The following CCNB3 variants were observed in gnomAD, a reference collection of about 807,000 sequenced individuals.
CCNB3 encodes G2/mitotic-specific cyclin-B3.
Under a neutral mutation model 68.0 loss-of-function variants are expected in CCNB3, and 12 were observed. That is an observed-to-expected ratio of 0.18 (90% CI 0.11 to 0.29). CCNB3 has a LOEUF of 0.29. Among genes scored for constraint, CCNB3 ranks in the 10% least tolerant of loss-of-function variants. The pLI is 1.00. For missense variants in CCNB3, 904 were observed against 993.1 expected, an observed-to-expected ratio of 0.91 and a Z score of 1.21; for synonymous variants, 354 against 388.9, an observed-to-expected ratio of 0.91 and a Z score of 1.06.
intron 12 of CCNB3, 34 bp from the exon 13 acceptor site, chrX:50,351,573 T>G: frequency 8.6e-7 from 1 of 1,158,009 alleles, no homozygotes. Flanking sequence ...ATTTGCCCTA[T>G]TCTATGCTGA....
intron 8 of CCNB3, among the ~76,000 whole-genome samples, chrX:50,321,080 G>A (rs1300400045): frequency 3.6e-5 from 4 of 110,783 alleles, no homozygotes; most frequent in Middle Eastern, 4.7e-3. Flanking sequence ...TTGTTTCTCC[G>A]GACCAAATGA....
chrX:50,280,335 A>T (rs1936114812), intron 1 of CCNB3, among the ~76,000 whole-genome samples: 1 of 103,870 alleles, frequency 9.6e-6, no homozygotes. Context: ...AAATATACCT[A>T]TATTCTAGTT....
At chrX:50,294,536 G>C (rs782409972) in intron 4 of CCNB3, among the ~76,000 whole-genome samples, 10 of 111,336 alleles carry the variant, frequency 9.0e-5, no homozygotes, top group African/African-American at 3.3e-4. Context: ...ATGTTAACAC[G>C]GCATATTTTC....
rs1015723573 is a variant in CCNB3 at position 50,225,622 on chromosome X, A to T, written c.-113+20672A>T. On this transcript the variant is annotated intron_variant, in intron 1 of 12. Coordinates refer to ENST00000376042, the MANE Select transcript of CCNB3 (RefSeq NM_033031.3). Reference sequence around the variant, plus strand: ...AGCCTAGGTGGCAGCGGAGATGGAGATACATTGACAAATACAGATATATTT... The same window carrying T: ...AGCCTAGGTGGCAGCGGAGATGGAGTTACATTGACAAATACAGATATATTT... 3.3e-4 allele frequency among the ~76,000 whole-genome samples: 37 copies of T among 110,523 alleles called. No individual in the cohort carries two copies. In the South Asian group the frequency reaches 0.013, roughly 38 times the overall value.
At position 50,308,997 on chromosome X, in the gene CCNB3, G is replaced by T; in HGVS notation, c.828G>T (p.Glu276Asp). 1 of 1,210,860 alleles carries T rather than the reference G, an allele frequency of 8.3e-7. No homozygotes were observed. Among genetic ancestry groups the T allele is most frequent in the Non-Finnish European group, 1.1e-6 (1 of 894,932 alleles). ...MSFKKKPKTEESIPTHKLSSL... is the reference protein window; with the variant it reads ...MSFKKKPKTEDSIPTHKLSSL... ...TTAAGAAGAAGCCTAAAACTGAGGAGTCAATCCCCACCCATAAGTTATCAT... is the reference window on the plus strand; with the variant it reads ...TTAAGAAGAAGCCTAAAACTGAGGATTCAATCCCCACCCATAAGTTATCAT... The change falls in exon 6 of 13, where the codon GAG becomes GAT. Residue 276 changes from glutamate (E) to aspartate (D), a missense_variant. Glu to Asp is a conservative substitution (Grantham distance 45, BLOSUM62 2). Transcript: ENST00000376042.
At chrX:50,228,231 CATACATAGAATATATATAA>C (rs1356052503) in intron 1 of CCNB3, among the ~76,000 whole-genome samples, 42 of 83,621 alleles carry the variant, frequency 5.0e-4, no homozygotes, top group East Asian at 6.5e-4. Flanking sequence ...CATATAAATA[CATACATAGAATATATATAA>C]ATACATAGAA....
At chrX:50,337,329 G>A (rs936600194) in intron 8 of CCNB3, among the ~76,000 whole-genome samples, 4 of 110,679 alleles carry the variant, frequency 3.6e-5, no homozygotes, top group African/African-American at 6.6e-5. Context: ...GTGTTGGCTC[G>A]GACAGGACTT....
At chrX:50,226,118 A>G (rs1186130482) in intron 1 of CCNB3, among the ~76,000 whole-genome samples, 2 of 81,297 alleles carry the variant, frequency 2.5e-5, no homozygotes, top group African/African-American at 9.2e-5. Context: ...ATAAATATAT[A>G]TATATTCGAT....
intron 5 of CCNB3, among the ~76,000 whole-genome samples, chrX:50,301,664 C>A (rs2147049042): frequency 8.9e-6 from 1 of 112,470 alleles, no homozygotes; most frequent in African/African-American, 3.2e-5. Context: ...TCAAAGCTGT[C>A]AGACAGGGAC....
intron 8 of CCNB3, among the ~76,000 whole-genome samples, chrX:50,339,847 C>G (rs2147097152): frequency 9.0e-6 from 1 of 111,011 alleles, no homozygotes; most frequent in South Asian, 3.9e-4. Flanking sequence ...CAAGAACTCA[C>G]TATTGCCAGA....
rs996031796 is a variant in CCNB3 at position 50,215,638 on chromosome X, C to T, written c.-113+10688C>T. Among the ~76,000 whole-genome samples the T allele has an allele frequency of 4.1e-3, 455 of 110,542 alleles. 3 individuals carry two copies. Among genetic ancestry groups the T allele is most frequent in the African/African-American group, 0.014 (419 of 30,452 alleles). ...GTAAATGTGGATTTGTCTATTTTTC[C>T]TTTCAATTCTGTCAGTCTTTGCTTC... On this transcript the variant is annotated intron_variant, in intron 1 of 12. Coordinates refer to ENST00000376042, the MANE Select transcript of CCNB3 (RefSeq NM_033031.3).
At chrX:50,296,256 C>G (rs1936458473) in intron 5 of CCNB3, among the ~76,000 whole-genome samples, 1 of 96,170 alleles carries the variant, frequency 1.0e-5, no homozygotes, top group Middle Eastern at 4.5e-3. Context: ...TTAGGTATAT[C>G]TCCTAATGCT....
intron 1 of CCNB3, among the ~76,000 whole-genome samples, chrX:50,206,364 G>C (rs1334063412): frequency 3.6e-5 from 4 of 111,424 alleles, no homozygotes; most frequent in African/African-American, 1.3e-4. Context: ...TTGAGGGCAG[G>C]ACTTTGAGAC....
chrX:50,216,242 C>T (rs944477425), intron 1 of CCNB3, among the ~76,000 whole-genome samples: 6 of 104,799 alleles, frequency 5.7e-5, no homozygotes, highest in African/African-American at 1.4e-4. Context: ...TGTGAGCCAC[C>T]GCGCCAGGCC....
chrX:50,226,698 T>C (rs1484175219), intron 1 of CCNB3, among the ~76,000 whole-genome samples: 1 of 77,517 alleles, frequency 1.3e-5, no homozygotes, highest in Non-Finnish European at 2.2e-5. Context: ...ATATATAGAA[T>C]ATACATATGA....
In CCNB3 at chrX:50,311,428, G is replaced by A; in HGVS notation, c.3259G>A (p.Glu1087Lys). The A allele has an allele frequency of 2.5e-6, 3 of 1,210,796 alleles. No individual in the cohort carries two copies. The highest frequency in any genetic ancestry group is 3.4e-6 in the Non-Finnish European group (3 of 895,317). ...TSVGKSRTTT[E>K]SSACESASDK... The stretch of plus-strand genomic sequence containing the variant: ...CGTGGGCAAGTCCAGGACCACCACC[G>A]AGTCCAGTGCATGTGAATCTGCTTC... Residue 1087 changes from glutamate to lysine, a missense_variant, in exon 6 of 13, where the codon GAG (glutamate) becomes AAG (lysine). Physicochemically the swap from Glu to Lys is moderately conservative, Grantham distance 56. Coordinates refer to ENST00000376042, the MANE Select transcript of CCNB3 (RefSeq NM_033031.3).
intron 8 of CCNB3, among the ~76,000 whole-genome samples, chrX:50,335,530 A>C (rs1386198577): frequency 1.8e-5 from 2 of 111,574 alleles, no homozygotes; most frequent in African/African-American, 6.5e-5. Flanking sequence ...CAAGTGCCTG[A>C]GATGAACCTG....
chrX:50,292,987 C>A (rs1264839605), intron 4 of CCNB3, among the ~76,000 whole-genome samples: 1 of 111,737 alleles, frequency 8.9e-6, no homozygotes, highest in Non-Finnish European at 1.9e-5. Flanking sequence ...TCTGCTTTTT[C>A]TGCCCATTCT....
chrX:50,334,083 C>T (rs782523272), intron 8 of CCNB3, among the ~76,000 whole-genome samples: 18 of 112,683 alleles, frequency 1.6e-4, no homozygotes, highest in Admixed American at 1.6e-3. Flanking sequence ...GCTCAGCCTT[C>T]TGGGCTGAAG....
Sources: gnomAD v4.1 joint callset for allele counts (sites outside exome capture counted in the v4.1 genomes callset) on GRCh38, gnomAD v4.1.1 for gene constraint, MANE v1.5 for transcripts, NCBI Gene and HGNC (gene_info 2026-07-23, HGNC 2026-07-21) for gene names.